DISP3: variants seen among roughly 807,000 people sequenced by gnomAD.
The protein encoded by DISP3 is protein dispatched homolog 3.
Under a neutral mutation model 135.3 loss-of-function variants are expected in DISP3, and 101 were observed. That is an observed-to-expected ratio of 0.75 (90% CI 0.64 to 0.88). The LOEUF (loss-of-function observed/expected upper bound fraction) is 0.88, where lower values mean the gene tolerates loss of function less well. Among genes scored for constraint, DISP3 ranks in the 40% least tolerant of loss-of-function variants. The pLI, the probability that DISP3 is intolerant of heterozygous loss-of-function variation, is 0.00. For missense variants in DISP3, 1,713 were observed against 1,878.6 expected (o/e 0.91, Z 1.63); for synonymous variants, 856 against 817.0 (o/e 1.05, Z -0.81).
intron 7 of DISP3, 43 bp downstream of exon 7, chr1:11,517,645 C>A (rs990906468): frequency 6.2e-7 from 1 of 1,605,390 alleles, no homozygotes; most frequent in South Asian, 1.1e-5. Flanking sequence ...GTATCCACAA[C>A]AGGCCTCTAT....
At chr1:11,534,918 G>C in intron 18 of DISP3, 93 bp from the exon 19 acceptor site, 1 of 1,118,194 alleles carries the variant, frequency 8.9e-7, no homozygotes, top group African/African-American at 1.5e-5. Flanking sequence ...ACTGGGAGTC[G>C]GAGTCTCAGA....
rs1326523973 is a variant in DISP3 at position 11,501,986 on chromosome 1, T to A, written c.994T>A (p.Tyr332Asn). ...GGATCTGCCGCTGGGCTCCTACTCC[T>A]ACTGCTCGCCCCCCAGCTCGCTCAT... is the stretch of plus-strand genomic sequence containing the variant. ...LKDLPLGSYS[Y>N]CSPPSSLMTY... The change falls in exon 2 of 21, where the codon TAC becomes AAC. Residue 332 changes from tyrosine (Y) to asparagine (N), a missense_variant. Physicochemically the swap from Tyr to Asn is moderately radical, Grantham distance 143 (BLOSUM62 -2). Coordinates refer to ENST00000294484, the MANE Select transcript of DISP3 (RefSeq NM_020780.2). The surrounding 1 kb of genome is among the most constrained non-coding windows in gnomAD (Gnocchi z 4.9). The A allele has an allele frequency of 1.9e-6, 3 of 1,613,700 alleles. No homozygotes were observed. Among genetic ancestry groups the A allele is most frequent in the Non-Finnish European group, 2.5e-6 (3 of 1,179,902 alleles).
At position 11,536,724 on chromosome 1, in the gene DISP3, A is replaced by T; in HGVS notation, c.*38A>T. 6.7e-7 allele frequency: 1 copy of T among 1,485,206 alleles called. No individual in the cohort carries two copies. Among genetic ancestry groups the T allele is most frequent in the Non-Finnish European group, 8.9e-7 (1 of 1,119,874 alleles). The allele number at this position is 1,485,206 out of a possible 1,614,324, so 92.0% of individuals were successfully genotyped here. Reference sequence around the variant, plus strand: ...TCTGGACACTTGCACCTTTGGTCCCATGGGTGGGGGACAGGAGCTGCTTCC... The same window carrying T: ...TCTGGACACTTGCACCTTTGGTCCCTTGGGTGGGGGACAGGAGCTGCTTCC... On this transcript the variant is annotated 3_prime_UTR_variant, in exon 21 of 21. Coordinates refer to ENST00000294484, the MANE Select transcript of DISP3 (RefSeq NM_020780.2). This position sits in a 1 kb window ranked among gnomAD's most constrained non-coding sequence, Gnocchi z 4.3.
In DISP3 at chr1:11,519,951, C is replaced by T; in HGVS notation, c.2200+71C>T. The T allele has an allele frequency of 2.7e-6, 4 of 1,470,430 alleles. No individual in the cohort carries two copies. Among genetic ancestry groups the T allele is most frequent in the Admixed American group, 1.9e-5 (1 of 52,978 alleles). The allele number at this position is 1,470,430 out of a possible 1,614,324, so 91.1% of individuals were successfully genotyped here. On this transcript the variant is annotated intron_variant, in intron 9 of 20. Transcript: ENST00000294484. The surrounding 1 kb of genome is among the most constrained non-coding windows in gnomAD (Gnocchi z 4.3). ...CCAAAACACACAGGAACTGGGAGCC[C>T]ACCCCCTCTCGCAGATGCCCCAGGG...
At chr1:11,534,151 G>T (rs1439985434) in intron 17 of DISP3, among the ~76,000 whole-genome samples, 1 of 152,256 alleles carries the variant, frequency 6.6e-6, no homozygotes, top group Non-Finnish European at 1.5e-5. Flanking sequence ...GGAGCTGAAG[G>T]GAGTTCTGGT....
At chr1:11,518,275 T>C (rs545537238) in intron 7 of DISP3, among the ~76,000 whole-genome samples, 7 of 152,288 alleles carry the variant, frequency 4.6e-5, no homozygotes, top group Middle Eastern at 3.4e-3. Flanking sequence ...CAATGTCCGC[T>C]CGCCCATGGT....
chr1:11,492,121 CAAAAAA>C (rs59755389), intron 1 of DISP3, among the ~76,000 whole-genome samples: 1 of 62,182 alleles, frequency 1.6e-5, no homozygotes, highest in African/African-American at 6.0e-5. Context: ...GACTCCGTCT[CAAAAAA>C]AAAAAAAAAA....
At chr1:11,524,906 C>T (rs1642366930) in intron 11 of DISP3, among the ~76,000 whole-genome samples, 1 of 146,354 alleles carries the variant, frequency 6.8e-6, no homozygotes, top group Non-Finnish European at 1.5e-5. Flanking sequence ...ACTATCTCCC[C>T]CACCATCCCT....
intron 18 of DISP3, 39 bp downstream of exon 18, chr1:11,534,579 G>A: frequency 6.4e-7 from 1 of 1,569,930 alleles, no homozygotes; most frequent in Non-Finnish European, 8.6e-7. Context: ...GGGTGGGCAG[G>A]AGGCAGAGGG....
In DISP3 at chr1:11,502,916, T is replaced by C. The variant is rs776700070; in HGVS notation, c.1316+19T>C. 5 of 1,592,878 alleles carry C rather than the reference T, an allele frequency of 3.1e-6. No individual in the cohort carries two copies. Among genetic ancestry groups the C allele is most frequent in the Non-Finnish European group, 4.3e-6 (5 of 1,164,530 alleles). On this transcript the variant is annotated intron_variant, in intron 3 of 20. Transcript: ENST00000294484. ...CTACCAGGTAGGAAGTCCAGCTGCA[T>C]CCTGTGTGTGCATGCCCATTTTTGA...
intron 4 of DISP3, 138 bp downstream of exon 4, chr1:11,514,664 T>C (rs1641952317): frequency 8.1e-7 from 1 of 1,228,118 alleles, no homozygotes; most frequent in African/African-American, 1.5e-5. Context: ...TGCACACAAA[T>C]CATCTTCCAA....
rs533655978 is a variant in DISP3 at position 11,493,343 on chromosome 1, T to C, written c.-3-7647T>C. On this transcript the variant is annotated intron_variant, in intron 1 of 20. Coordinates refer to ENST00000294484, the MANE Select transcript of DISP3 (RefSeq NM_020780.2). ...CAACAAAAACAATTTCCTCTTAGCCTTTTCATTCTATTCAGATCTTCAACT... is the reference window on the plus strand; with the variant it reads ...CAACAAAAACAATTTCCTCTTAGCCCTTTCATTCTATTCAGATCTTCAACT... 2.6e-5 allele frequency among the ~76,000 whole-genome samples: 4 copies of C among 152,336 alleles called. No homozygotes were observed. In the South Asian group the frequency reaches 8.3e-4, roughly 32 times the overall value.
Position 11,529,724 on chromosome 1 carries a change from G to A in DISP3, c.2929+38G>A. ...CACACAGGTGGGGACCTCAAGAGCT[G>A]AGACCTCGGGGCTCAGGAGCTGGAC... is the stretch of plus-strand genomic sequence containing the variant. On this transcript the variant is annotated intron_variant, in intron 14 of 20. Coordinates refer to ENST00000294484, the MANE Select transcript of DISP3 (RefSeq NM_020780.2). The surrounding 1 kb of genome is among the most constrained non-coding windows in gnomAD (Gnocchi z 4.7). The A allele has an allele frequency of 6.2e-7, 1 of 1,600,160 alleles. No individual in the cohort carries two copies. Among genetic ancestry groups the A allele is most frequent in the Non-Finnish European group, 8.6e-7 (1 of 1,169,588 alleles).
chr1:11,525,153 T>C, intron 11 of DISP3, 23 bp from the exon 12 acceptor site: 1 of 1,611,972 alleles, frequency 6.2e-7, no homozygotes, highest in Non-Finnish European at 8.5e-7. Flanking sequence ...TCCACCCCTC[T>C]TTCATCCCTT....
intron 5 of DISP3, 69 bp downstream of exon 5, chr1:11,515,572 T>TTTTTTTAA: frequency 6.5e-7 from 1 of 1,539,132 alleles, no homozygotes; most frequent in Non-Finnish European, 8.7e-7. Context: ...CCTTTCTCCC[T>TTTTTTTAA]GGATACAAAG....
In DISP3 at chr1:11,533,247, CTGTT is replaced by C. The variant is rs781656010; in HGVS notation, c.3376-1132_3376-1129del. Among the ~76,000 whole-genome samples the C allele has an allele frequency of 3.7e-3, 530 of 145,076 alleles. 2 individuals are homozygous for C. Among genetic ancestry groups the C allele is most frequent in the Middle Eastern group, 0.01 (3 of 290 alleles). On this transcript the variant is annotated intron_variant, in intron 17 of 20. Coordinates refer to ENST00000294484, the MANE Select transcript of DISP3 (RefSeq NM_020780.2). ...TCATATGGTGTTTGTCCTTTGGTGA[CTGTT>C]TCTTTTTTTTTTTTTTTTTTTTTTA...
chr1:11,500,946 C>T, intron 1 of DISP3, 44 bp from the exon 2 acceptor site: 1 of 1,603,424 alleles, frequency 6.2e-7, no homozygotes, highest in Non-Finnish European at 8.5e-7. Context: ...GGCACCTTCC[C>T]CTCACTGTCT....
At chr1:11,489,329 G>A (rs558852204) in intron 1 of DISP3, among the ~76,000 whole-genome samples, 5 of 152,358 alleles carry the variant, frequency 3.3e-5, no homozygotes, top group African/African-American at 9.6e-5. Flanking sequence ...CACAGATTGT[G>A]GTCTGGGCGG....
intron 11 of DISP3, 42 bp from the exon 12 acceptor site, chr1:11,525,134 G>A (rs759255179): frequency 1.9e-6 from 3 of 1,605,528 alleles, no homozygotes; most frequent in Middle Eastern, 1.7e-4. Flanking sequence ...GAAGCCAGTC[G>A]AGGTCAAGTC....
Sources: gnomAD v4.1 joint callset for allele counts (sites outside exome capture counted in the v4.1 genomes callset) on GRCh38, gnomAD v4.1.1 for gene constraint, Gnocchi (gnomAD v3.1) non-coding constraint, MANE v1.5 for transcripts, NCBI Gene and HGNC (gene_info 2026-07-23, HGNC 2026-07-21) for gene names.